Variants in LGSN observed in about 807,000 individuals in gnomAD.
The protein encoded by LGSN is lengsin.
A neutral mutation model predicts 19.5 loss-of-function variants in LGSN; 21 were observed. The ratio of observed to expected loss-of-function variants is 1.07; its 90% confidence interval spans 0.76 to 1.55. LGSN has a LOEUF of 1.55. Ranked by LOEUF, LGSN falls within the 40% of genes most tolerant of loss-of-function variation. The pLI is 0.00. For synonymous variants in LGSN, 257 were observed against 215.6 expected (o/e 1.19, Z -1.68); for missense variants, 673 against 608.5 (o/e 1.11, Z -1.12).
At chr6:63,356,075 T>A in the LGSN span, among the ~76,000 whole-genome samples, 1 of 152,180 alleles carries the variant, frequency 6.6e-6, no homozygotes, top group African/African-American at 2.4e-5. Context: ...CCCCTTTTTA[T>A]AAGGACACCG....
chr6:63,369,965 G>A, the LGSN span, among the ~76,000 whole-genome samples: 1 of 152,112 alleles, frequency 6.6e-6, no homozygotes, highest in Admixed American at 6.6e-5. Context: ...TCAGGCCACT[G>A]CACTCCAGCC....
At chr6:63,429,628 C>T in the LGSN span, among the ~76,000 whole-genome samples, 1 of 151,486 alleles carries the variant, frequency 6.6e-6, no homozygotes, top group South Asian at 2.1e-4. Context: ...TCCAGCTACT[C>T]AGGCAGCTGA....
the LGSN span, among the ~76,000 whole-genome samples, chr6:63,476,043 A>G: frequency 4.0e-5 from 6 of 151,840 alleles, no homozygotes; most frequent in Non-Finnish European, 5.9e-5. Context: ...TATTATGTAG[A>G]TTTTTTGTTT....
the LGSN span, among the ~76,000 whole-genome samples, chr6:63,328,007 C>T: frequency 3.0e-3 from 450 of 152,318 alleles, 3 homozygotes; most frequent in African/African-American, 0.01. Context: ...CCATTCTTTC[C>T]ATATCGCAGC....
chr6:63,405,118 C>G, the LGSN span, among the ~76,000 whole-genome samples: 1 of 151,840 alleles, frequency 6.6e-6, no homozygotes, highest in African/African-American at 2.4e-5. Flanking sequence ...ATCCATGTCC[C>G]TACAAAGGAC....
the LGSN span, among the ~76,000 whole-genome samples, chr6:63,527,146 G>C: frequency 6.6e-6 from 1 of 151,978 alleles, no homozygotes; most frequent in African/African-American, 2.4e-5. Flanking sequence ...ACACATGTTG[G>C]AACTGGCTTG....
At chr6:63,521,676 C>T in the LGSN span, 1 of 152,084 alleles carries the variant, frequency 6.6e-6, no homozygotes, top group Admixed American at 6.6e-5. Flanking sequence ...GATATATTAC[C>T]CTTTCTCTGC....
chr6:63,461,976 G>A, the LGSN span, among the ~76,000 whole-genome samples: 3 of 151,894 alleles, frequency 2.0e-5, no homozygotes, highest in African/African-American at 2.4e-5. Context: ...TTTTTCTCCT[G>A]TATGCAATTG....
the LGSN span, among the ~76,000 whole-genome samples, chr6:63,476,769 A>C: frequency 1.3e-5 from 2 of 152,240 alleles, no homozygotes; most frequent in African/African-American, 4.8e-5. Context: ...TGATATTGGC[A>C]CTGAACTTTA....
chr6:63,281,324 T>TATATATATAC (rs1205405598), intron 3 of LGSN, 104 bp from the exon 4 acceptor site: 1 of 168,464 alleles, frequency 5.9e-6, no homozygotes, highest in East Asian at 1.5e-4. Flanking sequence ...TATATATATA[T>TATATATATAC]ATATATAATA....
the LGSN span, among the ~76,000 whole-genome samples, chr6:63,360,009 G>T: frequency 6.6e-6 from 1 of 152,200 alleles, no homozygotes; most frequent in Admixed American, 6.5e-5. Context: ...CTTCTGGATT[G>T]TAGAGTTTCT....
At chr6:63,285,046 T>C (rs929122123) in intron 3 of LGSN, among the ~76,000 whole-genome samples, 2 of 152,144 alleles carry the variant, frequency 1.3e-5, no homozygotes, top group East Asian at 1.9e-4. Flanking sequence ...ATTAAGGAAG[T>C]CTCAAAACAA....
chr6:63,381,391 G>A, the LGSN span, among the ~76,000 whole-genome samples: 4 of 152,146 alleles, frequency 2.6e-5, no homozygotes, highest in South Asian at 2.1e-4. Flanking sequence ...TTTAACAACC[G>A]CTCTTAAATT....
At chr6:63,298,691 C>T (rs1165123354) in intron 1 of LGSN, among the ~76,000 whole-genome samples, 1 of 152,082 alleles carries the variant, frequency 6.6e-6, no homozygotes, top group African/African-American at 2.4e-5. Context: ...GCTGCAAGTA[C>T]TTACAAAAAT....
At chr6:63,503,341 A>G in the LGSN span, among the ~76,000 whole-genome samples, 2 of 152,232 alleles carry the variant, frequency 1.3e-5, no homozygotes, top group East Asian at 1.9e-4. Context: ...ACTGAAATAT[A>G]TCAGACTTCA....
At chr6:63,343,046 CATT>C in the LGSN span, among the ~76,000 whole-genome samples, 1 of 152,102 alleles carries the variant, frequency 6.6e-6, no homozygotes, top group African/African-American at 2.4e-5. Context: ...GTTTTAATGA[CATT>C]ATAAAATTTG....
chr6:63,569,411 C>A, the LGSN span, among the ~76,000 whole-genome samples: 1 of 152,138 alleles, frequency 6.6e-6, no homozygotes, highest in Non-Finnish European at 1.5e-5. Flanking sequence ...TGCCTGCCAC[C>A]ATGCCCAGCT....
the LGSN span, among the ~76,000 whole-genome samples, chr6:63,509,335 G>A: frequency 7.2e-5 from 11 of 152,070 alleles, no homozygotes; most frequent in Admixed American, 7.2e-4. Flanking sequence ...AAAGTGCTAG[G>A]ATTACAGGCA....
the LGSN span, among the ~76,000 whole-genome samples, chr6:63,334,997 G>A: frequency 1.3e-5 from 2 of 151,744 alleles, no homozygotes; most frequent in African/African-American, 4.8e-5. Context: ...AAAAAAACTA[G>A]CTGAGCATGG....
Sources: allele counts gnomAD v4.1 joint callset (sites outside exome capture counted in the v4.1 genomes callset), GRCh38; gene constraint gnomAD v4.1.1; transcripts MANE v1.5; gene names NCBI Gene and HGNC (gene_info 2026-07-23, HGNC 2026-07-21).